CDC5L: variants seen among roughly 807,000 people sequenced by gnomAD.
CDC5L encodes cell division cycle 5-like protein.
CDC5L carries 18 observed loss-of-function variants against 104.1 expected under a neutral mutation model. The observed-to-expected ratio is 0.17, with a 90% CI of 0.12 to 0.26. The LOEUF is 0.26. Among genes scored for constraint, CDC5L ranks in the 10% least tolerant of loss-of-function variants. The pLI is 1.00. For missense variants in CDC5L, 673 were observed against 956.9 expected, an observed-to-expected ratio of 0.70 and a Z score of 3.91; for synonymous variants, 331 against 322.7, an observed-to-expected ratio of 1.03 and a Z score of -0.28.
intron 14 of CDC5L, among the ~76,000 whole-genome samples, chr6:44,433,062 G>C (rs1200047390): frequency 6.6e-6 from 1 of 152,086 alleles, no homozygotes; most frequent in East Asian, 1.9e-4. Flanking sequence ...TCAGTGTCAT[G>C]TTTTTTTAAA....
chr6:44,418,446 A>G (rs1181820717), intron 8 of CDC5L, among the ~76,000 whole-genome samples: 12 of 152,098 alleles, frequency 7.9e-5, no homozygotes, highest in Admixed American at 3.3e-4. Flanking sequence ...GAATAGTGCC[A>G]CAGTAAACAT....
At chr6:44,393,342 A>G (rs1790705491) in intron 3 of CDC5L, 104 bp from the exon 4 acceptor site, 2 of 1,024,014 alleles carry the variant, frequency 2.0e-6, no homozygotes, top group Non-Finnish European at 2.9e-6. Flanking sequence ...AAGCCCATCC[A>G]TTGGTTTTTT....
chr6:44,393,321 T>G, intron 3 of CDC5L, 125 bp from the exon 4 acceptor site: 1 of 783,650 alleles, frequency 1.3e-6, no homozygotes, highest in Non-Finnish European at 2.0e-6. Context: ...TAAAAAGGCT[T>G]TATGTTGTTA....
In CDC5L at chr6:44,403,906, G is replaced by A. The variant is rs749621430; in HGVS notation, c.637G>A (p.Glu213Lys). The A allele has an allele frequency of 4.3e-6, 7 of 1,613,164 alleles. No individual in the cohort carries two copies. The highest frequency in any genetic ancestry group is 3.3e-5 in the Admixed American group (2 of 59,986). Residue 213 changes from glutamate to lysine, a missense_variant, in exon 6 of 16, where the codon GAA becomes AAA. By Grantham distance (56) the Glu-to-Lys change is moderately conservative. Transcript: ENST00000371477. ...GAAGAGAGGAGTTGATTATAATGCCGAAATCCCATTTGAAAAAAAGCCTGC... is the reference window on the plus strand; with the variant it reads ...GAAGAGAGGAGTTGATTATAATGCCAAAATCCCATTTGAAAAAAAGCCTGC... Reference protein sequence around the residue: ...KRKRGVDYNAEIPFEKKPALG... With the variant: ...KRKRGVDYNAKIPFEKKPALG...
chr6:44,393,796 T>G (rs1391754801), intron 4 of CDC5L, among the ~76,000 whole-genome samples: 2 of 152,092 alleles, frequency 1.3e-5, no homozygotes, highest in African/African-American at 4.8e-5. Flanking sequence ...TCCTGAGTAG[T>G]TGGGACTACA....
chr6:44,409,357 C>G (rs752263472), intron 8 of CDC5L, among the ~76,000 whole-genome samples: 2 of 152,226 alleles, frequency 1.3e-5, no homozygotes, highest in Non-Finnish European at 2.9e-5. Context: ...TTCACACCCT[C>G]TGTGTCCGTC....
intron 2 of CDC5L, among the ~76,000 whole-genome samples, chr6:44,390,948 A>C (rs887044774): frequency 1.5e-5 from 2 of 134,344 alleles, no homozygotes; most frequent in East Asian, 3.9e-4. Context: ...TATGTTATAT[A>C]TTATATATTA....
intron 9 of CDC5L, among the ~76,000 whole-genome samples, chr6:44,422,238 T>G (rs1364742976): frequency 6.6e-6 from 1 of 152,196 alleles, no homozygotes; most frequent in Non-Finnish European, 1.5e-5. Flanking sequence ...GATAGTGATG[T>G]GAGAACCAAC....
chr6:44,393,346 GT>G (rs1461316126), intron 3 of CDC5L, 99 bp from the exon 4 acceptor site: 21 of 1,152,096 alleles, frequency 1.8e-5, no homozygotes, highest in East Asian at 1.7e-4. Flanking sequence ...CCATCCATTG[GT>G]TTTTTTGGGG....
At chr6:44,403,761 C>T in intron 5 of CDC5L, 48 bp from the exon 6 acceptor site, 1 of 1,279,938 alleles carries the variant, frequency 7.8e-7, no homozygotes, top group Non-Finnish European at 1.1e-6. Flanking sequence ...ATAATTTATC[C>T]CTGTCACATG....
chr6:44,392,854 A>G, intron 3 of CDC5L, 26 bp downstream of exon 3: 1 of 1,596,018 alleles, frequency 6.3e-7, no homozygotes, highest in Non-Finnish European at 8.6e-7. Flanking sequence ...GAAAGAGCAT[A>G]GAATATATGT....
intron 8 of CDC5L, among the ~76,000 whole-genome samples, 190 bp from the exon 9 acceptor site, chr6:44,419,259 T>C (rs944005709): frequency 2.6e-5 from 4 of 152,202 alleles, no homozygotes; most frequent in African/African-American, 9.7e-5. Flanking sequence ...TCTAATGTGA[T>C]GTGTTAGATT....
chr6:44,409,703 A>G (rs1791542057), intron 8 of CDC5L, among the ~76,000 whole-genome samples: 1 of 152,138 alleles, frequency 6.6e-6, no homozygotes, highest in South Asian at 2.1e-4. Context: ...CATCTTTTTG[A>G]AGAAATCTTT....
intron 14 of CDC5L, among the ~76,000 whole-genome samples, chr6:44,444,112 G>A (rs1430977677): frequency 6.6e-6 from 1 of 152,164 alleles, no homozygotes; most frequent in Non-Finnish European, 1.5e-5. Context: ...ATGCATAGAT[G>A]TAGCTGGGAA....
intron 2 of CDC5L, among the ~76,000 whole-genome samples, 196 bp downstream of exon 2, chr6:44,390,567 C>A (rs1283667837): frequency 2.6e-5 from 4 of 152,140 alleles, no homozygotes; most frequent in African/African-American, 9.7e-5. Flanking sequence ...TTTTCTATCC[C>A]TCTCCCCTGC....
chr6:44,443,006 G>C (rs1296958488), intron 14 of CDC5L, among the ~76,000 whole-genome samples: 1 of 14,044 alleles, frequency 7.1e-5, no homozygotes, highest in Non-Finnish European at 1.1e-4. Flanking sequence ...TTCTTGGTTG[G>C]CAGTTTTTTT....
chr6:44,431,749 A>C (rs1478848806), intron 14 of CDC5L, among the ~76,000 whole-genome samples: 2 of 152,158 alleles, frequency 1.3e-5, no homozygotes, highest in African/African-American at 4.8e-5. Flanking sequence ...TGGTCTTATG[A>C]ATTTTAAAGG....
Position 44,446,681 on chromosome 6 carries a change from G to A in CDC5L, c.2379G>A (p.Leu793=). 1 of 1,583,074 alleles carries A rather than the reference G, an allele frequency of 6.3e-7. No homozygotes were observed. The highest frequency in any genetic ancestry group is 8.6e-7 in the Non-Finnish European group (1 of 1,161,614). Residue 793 remains leucine (L), a synonymous_variant, in exon 16 of 16, where the codon CTG becomes CTA. Coordinates refer to ENST00000371477, the MANE Select transcript of CDC5L (RefSeq NM_001253.4). The part of the protein sequence containing the change: ...ELQHRYADLL[L]EKETLKSKF ...AACATAGATATGCTGATTTGCTGCTGGAGAAAGAGACTTTAAAGTCAAAAT... is the reference window on the plus strand; with the variant it reads ...AACATAGATATGCTGATTTGCTGCTAGAGAAAGAGACTTTAAAGTCAAAAT...
At chr6:44,395,167 G>A (rs183456208) in intron 4 of CDC5L, among the ~76,000 whole-genome samples, 32 of 152,254 alleles carry the variant, frequency 2.1e-4, no homozygotes, top group Non-Finnish European at 2.5e-4. Flanking sequence ...GGGTACAAAC[G>A]TAGATGGAAA....
Sources: gnomAD v4.1 joint callset for allele counts (sites outside exome capture counted in the v4.1 genomes callset) on GRCh38, gnomAD v4.1.1 for gene constraint, MANE v1.5 for transcripts, NCBI Gene and HGNC (gene_info 2026-07-23, HGNC 2026-07-21) for gene names.